ELAPOR1: variants seen among roughly 807,000 people sequenced by gnomAD.
The protein encoded by ELAPOR1 is endosome/lysosome-associated apoptosis and autophagy regulator 1.
In ELAPOR1, 77 loss-of-function variants were observed where a neutral mutation model predicts 119.7. The observed-to-expected ratio is 0.64, with a 90% CI of 0.54 to 0.78. The LOEUF is 0.78. ELAPOR1 is among the 30% of genes least tolerant of loss of function. ELAPOR1 has a pLI of 0.00. For synonymous variants in ELAPOR1, 481 were observed against 487.2 expected (o/e 0.99, Z 0.17); for missense variants, 1,115 against 1,270.4 (o/e 0.88, Z 1.86).
chr1:109,197,715 ATGTG>A (rs1653916492), intron 16 of ELAPOR1, 61 bp downstream of exon 16: 3 of 1,386,332 alleles, frequency 2.2e-6, no homozygotes, highest in Non-Finnish European at 2.9e-6. Flanking sequence ...GTGTGTGTGT[ATGTG>A]TAAGAGAGTG....
At chr1:109,171,626 G>A (rs535357149) in intron 3 of ELAPOR1, among the ~76,000 whole-genome samples, 1 of 152,236 alleles carries the variant, frequency 6.6e-6, no homozygotes, top group Non-Finnish European at 1.5e-5. Context: ...CAATGTGGAG[G>A]CATGCCTGCT....
intron 1 of ELAPOR1, among the ~76,000 whole-genome samples, chr1:109,145,391 C>G (rs948108430): frequency 2.0e-5 from 3 of 152,192 alleles, no homozygotes; most frequent in African/African-American, 7.2e-5. Flanking sequence ...CACAGTGGCT[C>G]ATGCCTATAA....
intron 13 of ELAPOR1, among the ~76,000 whole-genome samples, 200 bp downstream of exon 13, chr1:109,192,063 A>G (rs1235270895): frequency 6.6e-6 from 1 of 152,224 alleles, no homozygotes; most frequent in African/African-American, 2.4e-5. Flanking sequence ...AGATGACACC[A>G]TAAGAAATAA....
intron 1 of ELAPOR1, among the ~76,000 whole-genome samples, chr1:109,154,552 C>T (rs1249758061): frequency 6.6e-6 from 1 of 152,190 alleles, no homozygotes. Flanking sequence ...CCTTCGCAGC[C>T]TGGGGAGTGC....
chr1:109,168,683 G>C (rs2101052589), intron 3 of ELAPOR1, among the ~76,000 whole-genome samples: 1 of 152,284 alleles, frequency 6.6e-6, no homozygotes, highest in African/African-American at 2.4e-5. Context: ...AAGAATGAGA[G>C]AGAAATGTAA....
rs575362872 is a variant in ELAPOR1, at chr1:109,175,637, G to A, written c.952+1800G>A. 1.2e-4 allele frequency among the ~76,000 whole-genome samples: 18 copies of A among 149,848 alleles called. No homozygotes were observed. In the South Asian group the frequency reaches 3.9e-3, roughly 32 times the overall value. On this transcript the variant is annotated intron_variant, in intron 7 of 21. Transcript: ENST00000369939. ...AGGTCAGGAGTTCAAGACCAGGCTGGCCAACATGGCAAAACCACGTCTCTA... is the reference window on the plus strand; with the variant it reads ...AGGTCAGGAGTTCAAGACCAGGCTGACCAACATGGCAAAACCACGTCTCTA...
chr1:109,151,036 G>A (rs1650503509), intron 1 of ELAPOR1, among the ~76,000 whole-genome samples: 1 of 152,146 alleles, frequency 6.6e-6, no homozygotes, highest in South Asian at 2.1e-4. Flanking sequence ...CCGTATATGG[G>A]CAATGATCCA....
intron 1 of ELAPOR1, among the ~76,000 whole-genome samples, chr1:109,123,157 A>C (rs768377738): frequency 1.1e-4 from 17 of 152,174 alleles, no homozygotes; most frequent in Non-Finnish European, 1.9e-4. Context: ...GAGGTCTGAC[A>C]TTGACAGGCT....
chr1:109,183,821 G>A (rs1383483930), intron 7 of ELAPOR1, among the ~76,000 whole-genome samples: 1 of 151,980 alleles, frequency 6.6e-6, no homozygotes, highest in East Asian at 1.9e-4. Context: ...TTGCTATGTT[G>A]CCCAGGCTGG....
chr1:109,135,726 G>C (rs1360831106), intron 1 of ELAPOR1, among the ~76,000 whole-genome samples: 1 of 152,124 alleles, frequency 6.6e-6, no homozygotes, highest in Non-Finnish European at 1.5e-5. Flanking sequence ...TGTGTGACTG[G>C]GGGCATATGA....
At position 109,123,250 on chromosome 1, in the gene ELAPOR1, A is replaced by T. The variant is rs189838209; in HGVS notation, c.153+8914A>T. 1.4e-4 allele frequency among the ~76,000 whole-genome samples: 22 copies of T among 152,326 alleles called. No individual in the cohort carries two copies. The East Asian group carries it at 3.9e-3, about 27-fold the overall frequency. On this transcript the variant is annotated intron_variant, in intron 1 of 21. Transcript: ENST00000369939. Reference sequence around the variant, plus strand: ...TATGTTGCCATTTTTGAAGCATACCACTAGGAAAAGCAGAGTTGATACAAA... The same window carrying T: ...TATGTTGCCATTTTTGAAGCATACCTCTAGGAAAAGCAGAGTTGATACAAA...
chr1:109,161,044 C>T (rs1297778680), intron 1 of ELAPOR1, among the ~76,000 whole-genome samples: 2 of 152,164 alleles, frequency 1.3e-5, no homozygotes, highest in African/African-American at 2.4e-5. Context: ...CATCACCTGC[C>T]TCGGCCAAAT....
At chr1:109,181,030 T>C (rs1488662968) in intron 7 of ELAPOR1, among the ~76,000 whole-genome samples, 2 of 152,154 alleles carry the variant, frequency 1.3e-5, no homozygotes, top group Admixed American at 1.3e-4. Flanking sequence ...TGTATAGTAC[T>C]CTCCAATTGA....
At chr1:109,192,491 C>T (rs1653500271) in intron 13 of ELAPOR1, 120 bp from the exon 14 acceptor site, 2 of 1,082,034 alleles carry the variant, frequency 1.8e-6, no homozygotes, top group Non-Finnish European at 2.7e-6. Context: ...TCAGATGCTT[C>T]TCAGATTCTT....
intron 1 of ELAPOR1, among the ~76,000 whole-genome samples, chr1:109,122,658 C>T (rs1648519050): frequency 1.4e-5 from 2 of 147,218 alleles, no homozygotes; most frequent in Admixed American, 1.4e-4. Flanking sequence ...GGGACTCTCT[C>T]TTTAAAAAAA....
intron 3 of ELAPOR1, among the ~76,000 whole-genome samples, chr1:109,169,513 T>C (rs777130557): frequency 4.6e-5 from 7 of 152,074 alleles, no homozygotes; most frequent in South Asian, 2.1e-4. Context: ...CCTCCCAAAG[T>C]GCTGCGATTA....
chr1:109,191,541 T>C, intron 12 of ELAPOR1, 70 bp downstream of exon 12: 2 of 1,416,618 alleles, frequency 1.4e-6, no homozygotes, highest in South Asian at 1.2e-5. Context: ...CCCATTGGTG[T>C]GTCCACGTGA....
At chr1:109,132,080 T>C (rs1185947024) in intron 1 of ELAPOR1, among the ~76,000 whole-genome samples, 2 of 152,088 alleles carry the variant, frequency 1.3e-5, no homozygotes, top group Non-Finnish European at 2.9e-5. Flanking sequence ...CAGAAAAAAA[T>C]GGAGCCAGAG....
chr1:109,193,465 C>T (rs1445187588), intron 14 of ELAPOR1, among the ~76,000 whole-genome samples: 2 of 151,806 alleles, frequency 1.3e-5, no homozygotes, highest in African/African-American at 2.4e-5. Flanking sequence ...TGTAATGAGC[C>T]GTGATTGTGC....
Sources: allele counts gnomAD v4.1 joint callset (sites outside exome capture counted in the v4.1 genomes callset), GRCh38; gene constraint gnomAD v4.1.1; transcripts MANE v1.5; gene names NCBI Gene and HGNC (gene_info 2026-07-23, HGNC 2026-07-21).